Variants in IL17RD observed in about 807,000 individuals in gnomAD.
IL17RD encodes the protein interleukin-17 receptor D.
In IL17RD, 52 loss-of-function variants were observed where a neutral mutation model predicts 80.5. The observed-to-expected ratio is 0.65, with a 90% CI of 0.52 to 0.81. The LOEUF (loss-of-function observed/expected upper bound fraction) is 0.81, where lower values mean the gene tolerates loss of function less well. IL17RD is among the 40% of genes least tolerant of loss of function. The pLI is 0.00. For synonymous variants in IL17RD, 416 were observed against 391.8 expected (o/e 1.06, Z -0.73); for missense variants, 1,024 against 955.1 (o/e 1.07, Z -0.95).
At chr3:57,102,103 A>C (rs923678169) in intron 10 of IL17RD, among the ~76,000 whole-genome samples, 5 of 152,260 alleles carry the variant, frequency 3.3e-5, no homozygotes. Context: ...ACTACAAAAA[A>C]AATTTTTTTT....
At chr3:57,144,724 A>G (rs899644306) in intron 1 of IL17RD, among the ~76,000 whole-genome samples, 11 of 674 alleles carry the variant, frequency 0.016, no homozygotes, top group African/African-American at 0.047. Flanking sequence ...ATCACTCAGG[A>G]TAAGTTCTTG....
chr3:57,148,814 C>A (rs938894886), intron 1 of IL17RD, among the ~76,000 whole-genome samples: 1 of 152,154 alleles, frequency 6.6e-6, no homozygotes, highest in Non-Finnish European at 1.5e-5. Flanking sequence ...GGCAGGTGGG[C>A]CCAGTGAAGC....
chr3:57,136,029 G>A (rs1031190938), intron 1 of IL17RD, among the ~76,000 whole-genome samples: 1 of 152,210 alleles, frequency 6.6e-6, no homozygotes, highest in African/African-American at 2.4e-5. Flanking sequence ...TTACATAAAT[G>A]TAGGGGATTT....
intron 1 of IL17RD, among the ~76,000 whole-genome samples, chr3:57,145,639 G>A (rs1445156872): frequency 6.6e-6 from 1 of 152,184 alleles, no homozygotes; most frequent in Non-Finnish European, 1.5e-5. Context: ...TGTCTAGGTA[G>A]CAAAAGAGGT....
chr3:57,127,239 T>TATA lies in IL17RD; in HGVS notation c.127-6927_127-6926insTAT, dbSNP rs1481194801. The stretch of plus-strand genomic sequence containing the variant: ...ATATATAAATATATATAAAAATATA[T>TATA]AAATATATATATAAATATATATAAA... On this transcript the variant is annotated intron_variant, in intron 1 of 12. Coordinates refer to ENST00000296318, the MANE Select transcript of IL17RD (RefSeq NM_017563.5). Among the ~76,000 whole-genome samples the TATA allele has an allele frequency of 4.7e-3, 464 of 98,684 alleles. 22 individuals are homozygous for TATA. The highest frequency in any genetic ancestry group is 0.028 in the African/African-American group (450 of 15,962). 64.7% of individuals were successfully genotyped at this position (98,684 alleles called of 152,430 possible).
chr3:57,129,673 A>G (rs1181457432), intron 1 of IL17RD, among the ~76,000 whole-genome samples: 2 of 152,144 alleles, frequency 1.3e-5, no homozygotes, highest in Non-Finnish European at 2.9e-5. Flanking sequence ...GATTTCGCAT[A>G]TTTGGAAATT....
intron 1 of IL17RD, among the ~76,000 whole-genome samples, chr3:57,124,457 CAT>C (rs1177049592): frequency 1.3e-5 from 2 of 152,090 alleles, no homozygotes; most frequent in Admixed American, 6.6e-5. Flanking sequence ...GAATCAAAGA[CAT>C]GTGACAATGC....
At chr3:57,098,636 A>G (rs1161709573) in intron 11 of IL17RD, 98 bp from the exon 12 acceptor site, 19 of 778,524 alleles carry the variant, frequency 2.4e-5, no homozygotes, top group Non-Finnish European at 4.0e-5. Flanking sequence ...AGGCCATCTC[A>G]TCTGCCCCTT....
chr3:57,129,052 C>T (rs773147285), intron 1 of IL17RD, among the ~76,000 whole-genome samples: 9 of 152,148 alleles, frequency 5.9e-5, no homozygotes, highest in Non-Finnish European at 1.3e-4. Flanking sequence ...CCCTCCGCTT[C>T]GCACACCACT....
At chr3:57,104,645 C>A (rs1706911377) in intron 7 of IL17RD, among the ~76,000 whole-genome samples, 1 of 152,198 alleles carries the variant, frequency 6.6e-6, no homozygotes, top group Admixed American at 6.5e-5. Flanking sequence ...GCTGGTGGCA[C>A]CCTCAGCAGG....
chr3:57,135,863 T>C (rs1232742408), intron 1 of IL17RD, among the ~76,000 whole-genome samples: 1 of 149,026 alleles, frequency 6.7e-6, no homozygotes, highest in Non-Finnish European at 1.5e-5. Context: ...GAGCCGGCTG[T>C]GTACATGGAA....
intron 1 of IL17RD, among the ~76,000 whole-genome samples, chr3:57,157,336 T>C: frequency 6.6e-6 from 1 of 152,102 alleles, no homozygotes; most frequent in African/African-American, 2.4e-5. Context: ...CGGGGAGTGC[T>C]CGGTACTGTG....
chr3:57,126,565 C>A (rs887728243), intron 1 of IL17RD, among the ~76,000 whole-genome samples: 1 of 152,260 alleles, frequency 6.6e-6, no homozygotes, highest in East Asian at 1.9e-4. Context: ...AGACAGCCAA[C>A]TTCCTGAGGG....
rs1478436594 is a variant in IL17RD at position 57,108,974 on chromosome 3, G to A, written c.550+563C>T. Among the ~76,000 whole-genome samples, 3 of 151,632 alleles carry A rather than the reference G, an allele frequency of 2.0e-5. No homozygotes were observed. The East Asian group carries it at 5.8e-4, about 29-fold the overall frequency. ...GCAGACTGTCTTAGCGGTGGTCACA[G>A]CACCCTCAAAAATATCAACTGTCAG... On this transcript the variant is annotated intron_variant, in intron 5 of 12. Transcript: ENST00000296318.
intron 1 of IL17RD, among the ~76,000 whole-genome samples, chr3:57,152,190 G>A (rs1003655303): frequency 2.6e-5 from 4 of 151,836 alleles, no homozygotes; most frequent in Non-Finnish European, 5.9e-5. Context: ...GCTGCCCCCC[G>A]CCCCCGACCA....
intron 1 of IL17RD, among the ~76,000 whole-genome samples, chr3:57,137,364 C>T (rs1707750301): frequency 6.6e-6 from 1 of 152,176 alleles, no homozygotes; most frequent in African/African-American, 2.4e-5. Context: ...TACAGTGGTC[C>T]TTACAGATGT....
chr3:57,138,939 C>CAAAA (rs1026336884), intron 1 of IL17RD, among the ~76,000 whole-genome samples: 1 of 40,474 alleles, frequency 2.5e-5, no homozygotes, highest in Non-Finnish European at 5.0e-5. Context: ...AACTCCATCT[C>CAAAA]AAAAAAAAAA....
At position 57,101,357 on chromosome 3, in the gene IL17RD, A is replaced by G. The variant is rs1706824966; in HGVS notation, c.986T>C (p.Ile329Thr). Reference protein sequence around the residue: ...VMCRKKQQENIYSHLDEESSE... With the variant: ...VMCRKKQQENTYSHLDEESSE... ...GCTCTCTTCATCTAAATGTGAATAT[A>G]TATTTTCTAAATTGGAAAAGAAGAT... The change falls in exon 11 of 13, where the codon ATA becomes ACA. Residue 329 changes from isoleucine (I) to threonine (T), a missense_variant. Physicochemically the swap from Ile to Thr is moderately conservative, Grantham distance 89. Coordinates refer to ENST00000296318, the MANE Select transcript of IL17RD (RefSeq NM_017563.5). The G allele has an allele frequency of 1.3e-6, 2 of 1,587,672 alleles. No individual in the cohort carries two copies. Among genetic ancestry groups the G allele is most frequent in the East Asian group, 4.5e-5 (2 of 44,576 alleles).
chr3:57,127,273 A>AAT (rs1559476861), intron 1 of IL17RD, among the ~76,000 whole-genome samples: 1 of 81,378 alleles, frequency 1.2e-5, no homozygotes, highest in Non-Finnish European at 2.1e-5. Context: ...AATATATATA[A>AAT]AAATATATAT....
Sources: allele counts gnomAD v4.1 joint callset (sites outside exome capture counted in the v4.1 genomes callset), GRCh38; gene constraint gnomAD v4.1.1; transcripts MANE v1.5; gene names NCBI Gene and HGNC (gene_info 2026-07-23, HGNC 2026-07-21).